Variants in ATP6V1E1 observed in about 807,000 individuals in gnomAD.
The protein encoded by ATP6V1E1 is V-type proton ATPase subunit E 1.
A neutral mutation model predicts 35.2 loss-of-function variants in ATP6V1E1; 21 were observed. The observed-to-expected ratio is 0.60, with a 90% CI of 0.42 to 0.86. ATP6V1E1 has a LOEUF of 0.86. Ranked by LOEUF, ATP6V1E1 falls within the 40% of genes least tolerant of loss-of-function variation. The pLI is 0.00. For missense variants in ATP6V1E1, 183 were observed against 272.6 expected (o/e 0.67, Z 2.32); for synonymous variants, 83 against 87.8 (o/e 0.95, Z 0.30).
chr22:17,606,459 G>A (rs748267030), intron 4 of ATP6V1E1, among the ~76,000 whole-genome samples: 4 of 150,816 alleles, frequency 2.7e-5, no homozygotes, highest in South Asian at 2.1e-4. Flanking sequence ...TTCAATGACG[G>A]CAAGAAGTTA....
At chr22:17,609,672 T>C (rs2057805589) in intron 4 of ATP6V1E1, among the ~76,000 whole-genome samples, 1 of 150,450 alleles carries the variant, frequency 6.6e-6, no homozygotes, top group Admixed American at 6.6e-5. Flanking sequence ...GTTTCACCGT[T>C]GTTAGCCAGG....
intron 7 of ATP6V1E1, among the ~76,000 whole-genome samples, chr22:17,596,431 G>C (rs1052270878): frequency 6.6e-6 from 1 of 151,994 alleles, no homozygotes; most frequent in Non-Finnish European, 1.5e-5. Context: ...GGTTCCCTAG[G>C]CTCTCTGGCC....
chr22:17,615,340 C>A (rs1224322126), intron 2 of ATP6V1E1, among the ~76,000 whole-genome samples: 1 of 151,944 alleles, frequency 6.6e-6, no homozygotes, highest in Admixed American at 6.6e-5. Flanking sequence ...TTTTATTATA[C>A]ATTATTTTAT....
rs2229563 is a variant in ATP6V1E1 at position 17,592,651 on chromosome 22, G to A, written c.*23C>T. ...TCCACATCACAGCAGGAGAGCTGAC[G>A]ACGAGCTCCACCTCCTGAAGGCTTA... On this transcript the variant is annotated 3_prime_UTR_variant, in exon 9 of 9. Transcript: ENST00000253413. The A allele has an allele frequency of 7.8e-3, 12,624 of 1,611,514 alleles. 884 individuals carry two copies. In the African/African-American group the frequency reaches 0.15, roughly 19 times the overall value.
At chr22:17,600,851 C>T (rs986001540) in intron 5 of ATP6V1E1, 6 of 317,108 alleles carry the variant, frequency 1.9e-5, no homozygotes, top group Admixed American at 4.9e-5. Flanking sequence ...TGTAAGACTA[C>T]ATAATTGAGT....
intron 4 of ATP6V1E1, among the ~76,000 whole-genome samples, chr22:17,605,205 C>CAAAAA (rs898076791): frequency 5.4e-4 from 29 of 54,008 alleles, no homozygotes; most frequent in Non-Finnish European, 7.2e-4. Flanking sequence ...GACTTCATCT[C>CAAAAA]AAAAAAAAAA....
intron 4 of ATP6V1E1, among the ~76,000 whole-genome samples, chr22:17,603,103 C>T (rs371744533): frequency 6.6e-6 from 1 of 152,260 alleles, no homozygotes; most frequent in South Asian, 2.1e-4. Flanking sequence ...GCGTGCGCCA[C>T]CTCACCCAGC....
At chr22:17,623,574 TG>T (rs1170531431) in intron 1 of ATP6V1E1, among the ~76,000 whole-genome samples, 3 of 150,750 alleles carry the variant, frequency 2.0e-5, no homozygotes, top group Admixed American at 1.3e-4. Flanking sequence ...AGGAGGCTGA[TG>T]GAGGAGAATC....
At chr22:17,619,661 G>A in intron 1 of ATP6V1E1, 135 bp from the exon 2 acceptor site, 1 of 728,246 alleles carries the variant, frequency 1.4e-6, no homozygotes, top group Non-Finnish European at 2.2e-6. Flanking sequence ...CAAGGAGGGA[G>A]GATTGCTTTA....
At chr22:17,627,691 C>G (rs951838919) in intron 1 of ATP6V1E1, among the ~76,000 whole-genome samples, 2 of 150,418 alleles carry the variant, frequency 1.3e-5, no homozygotes, top group African/African-American at 4.9e-5. Context: ...GCTTGGGGCG[C>G]GAGTCTGTAA....
In ATP6V1E1 at chr22:17,609,110, AAAAC is replaced by A. The variant is rs776470535; in HGVS notation, c.276+3698_276+3701del. On this transcript the variant is annotated intron_variant, in intron 4 of 8. Coordinates refer to ENST00000253413, the MANE Select transcript of ATP6V1E1 (RefSeq NM_001696.4). ...TCCGTCTCAAAAAACAAAACAAAAC[AAAAC>A]AAACAAACAAACAAACAAACAAAAA... Among the ~76,000 whole-genome samples, 326 of 140,132 alleles carry A rather than the reference AAAAC, an allele frequency of 2.3e-3. 2 individuals are homozygous for A. Among genetic ancestry groups the A allele is most frequent in the East Asian group, 0.017 (86 of 5,094 alleles). The allele number at this position is 140,132 out of a possible 152,430, so 91.9% of individuals were successfully genotyped here.
chr22:17,624,182 C>T (rs1358325163), intron 1 of ATP6V1E1, among the ~76,000 whole-genome samples: 1 of 152,148 alleles, frequency 6.6e-6, no homozygotes, highest in Non-Finnish European at 1.5e-5. Flanking sequence ...CAGTAAACAA[C>T]ACACACTGTC....
At chr22:17,610,609 A>G (rs1223700624) in intron 4 of ATP6V1E1, among the ~76,000 whole-genome samples, 2 of 152,242 alleles carry the variant, frequency 1.3e-5, no homozygotes. Flanking sequence ...AGCCCTTGCT[A>G]CTTATATTTA....
intron 4 of ATP6V1E1, chr22:17,612,476 G>A (rs1342428238): frequency 4.8e-6 from 1 of 209,844 alleles, no homozygotes; most frequent in African/African-American, 2.3e-5. Flanking sequence ...GCTTTCTGTT[G>A]AAAACAGGTG....
Position 17,619,537 on chromosome 22 carries a change from A to G in ATP6V1E1, c.34-11T>C, listed in dbSNP as rs573165721. 3 of 1,562,646 alleles carry G rather than the reference A, an allele frequency of 1.9e-6. No individual in the cohort carries two copies. The highest frequency in any genetic ancestry group is 1.2e-5 in the South Asian group (1 of 83,462). On this transcript the variant is annotated splice_polypyrimidine_tract_variant and intron_variant, in intron 1 of 8. Transcript: ENST00000253413. ...CATCATATGCTTTATCTATAAGGAA[A>G]AAAAGTTTTATTTTTTAGTTCAAAA...
At chr22:17,593,572 C>T (rs1385032499) in intron 8 of ATP6V1E1, among the ~76,000 whole-genome samples, 1 of 152,114 alleles carries the variant, frequency 6.6e-6, no homozygotes, top group Non-Finnish European at 1.5e-5. Flanking sequence ...CTGAATTTTT[C>T]GGTTTAATTA....
intron 4 of ATP6V1E1, among the ~76,000 whole-genome samples, chr22:17,606,547 C>G (rs1346380074): frequency 1.3e-5 from 2 of 152,154 alleles, no homozygotes; most frequent in African/African-American, 4.8e-5. Flanking sequence ...TCTCAAAATT[C>G]TCATTATAAG....
intron 1 of ATP6V1E1, among the ~76,000 whole-genome samples, chr22:17,621,149 A>T (rs1283379958): frequency 6.6e-6 from 1 of 152,094 alleles, no homozygotes; most frequent in Non-Finnish European, 1.5e-5. Flanking sequence ...CTCTCAGCTA[A>T]ACTACTACAA....
At chr22:17,609,121 AC>A (rs1785534406) in intron 4 of ATP6V1E1, among the ~76,000 whole-genome samples, 4 of 150,114 alleles carry the variant, frequency 2.7e-5, no homozygotes, top group Admixed American at 1.3e-4. Context: ...AAACAAACAA[AC>A]AAACAAACAA....
Sources: gnomAD v4.1 joint callset for allele counts (sites outside exome capture counted in the v4.1 genomes callset) on GRCh38, gnomAD v4.1.1 for gene constraint, MANE v1.5 for transcripts, NCBI Gene and HGNC (gene_info 2026-07-23, HGNC 2026-07-21) for gene names.